Variants in EFL1 observed in about 807,000 individuals in gnomAD.
The protein encoded by EFL1 is elongation factor like GTPase 1.
A neutral mutation model predicts 126.7 loss-of-function variants in EFL1; 76 were observed. That is an observed-to-expected ratio of 0.60 (90% CI 0.50 to 0.73). EFL1 has a LOEUF of 0.73. Among genes scored for constraint, EFL1 ranks in the 30% least tolerant of loss-of-function variants. The pLI, the probability that EFL1 is intolerant of heterozygous loss-of-function variation, is 0.00. For missense variants in EFL1, 1,128 were observed against 1,343.2 expected (o/e 0.84, Z 2.50); for synonymous variants, 410 against 448.4 (o/e 0.91, Z 1.08).
chr15:82,169,433 G>C (rs1487532069), intron 15 of EFL1, among the ~76,000 whole-genome samples: 1 of 152,102 alleles, frequency 6.6e-6, no homozygotes, highest in Non-Finnish European at 1.5e-5. Context: ...AACTGAGGTA[G>C]AGCTGCTAAG....
chr15:82,178,887 A>C (rs953860646), intron 15 of EFL1, among the ~76,000 whole-genome samples: 1 of 152,142 alleles, frequency 6.6e-6, no homozygotes, highest in African/African-American at 2.4e-5. Flanking sequence ...CACACCTATA[A>C]TCCCAGAATT....
chr15:82,157,992 A>G, intron 16 of EFL1, 132 bp from the exon 17 acceptor site: 1 of 1,088,532 alleles, frequency 9.2e-7, no homozygotes, highest in Non-Finnish European at 1.3e-6. Context: ...TTTCTTCCAG[A>G]TAGTGTAGTG....
intron 16 of EFL1, chr15:82,160,168 T>TA (rs2074008224): frequency 6.6e-6 from 1 of 152,240 alleles, no homozygotes; most frequent in African/African-American, 2.4e-5. Context: ...GCTTCTGCCT[T>TA]AGTGTTTTGG....
intron 7 of EFL1, 23 bp from the exon 8 acceptor site, chr15:82,230,994 T>C (rs748826714): frequency 3.1e-6 from 5 of 1,606,652 alleles, no homozygotes; most frequent in Non-Finnish European, 4.2e-6. Context: ...CAAATGTTCA[T>C]GTTATTAATA....
rs539219966 is a variant in EFL1 at position 82,191,424 on chromosome 15, T to C, written c.1750+23293A>G. Among the ~76,000 whole-genome samples, 83 of 152,264 alleles carry C rather than the reference T, an allele frequency of 5.5e-4. 1 individual carries two copies. In the East Asian group the frequency reaches 0.014, roughly 27 times the overall value. ...ACCTAACCATTACTGGCCTTTGAAATATAGAAGCTAAAAGCAGACTGCACG... is the reference window on the plus strand; with the variant it reads ...ACCTAACCATTACTGGCCTTTGAAACATAGAAGCTAAAAGCAGACTGCACG... On this transcript the variant is annotated intron_variant, in intron 15 of 19. Transcript: ENST00000268206.
chr15:82,175,833 G>T (rs192111609), intron 15 of EFL1, among the ~76,000 whole-genome samples: 3 of 152,208 alleles, frequency 2.0e-5, no homozygotes, highest in African/African-American at 7.2e-5. Context: ...ACTGAATTTT[G>T]AAGATTACTT....
chr15:82,221,741 C>A (rs1477071464), intron 12 of EFL1, among the ~76,000 whole-genome samples: 1 of 152,182 alleles, frequency 6.6e-6, no homozygotes, highest in African/African-American at 2.4e-5. Context: ...CACTAGGGGG[C>A]CACACTACCA....
chr15:82,233,071 A>G (rs2074838674), intron 7 of EFL1, among the ~76,000 whole-genome samples: 3 of 152,172 alleles, frequency 2.0e-5, no homozygotes, highest in Admixed American at 1.3e-4. Flanking sequence ...AATTATAGTA[A>G]GACATTTGCC....
chr15:82,204,716 C>T (rs1331067717), intron 15 of EFL1, among the ~76,000 whole-genome samples: 1 of 152,174 alleles, frequency 6.6e-6, no homozygotes, highest in African/African-American at 2.4e-5. Flanking sequence ...TGGCTCATTA[C>T]CGCCCACCTA....
intron 15 of EFL1, among the ~76,000 whole-genome samples, chr15:82,200,611 C>G (rs2074457696): frequency 1.3e-5 from 2 of 152,178 alleles, no homozygotes; most frequent in African/African-American, 4.8e-5. Context: ...TACCTGGGAG[C>G]CTCCCAGAAC....
At chr15:82,223,484 T>C (rs1363967740) in intron 12 of EFL1, among the ~76,000 whole-genome samples, 1 of 152,184 alleles carries the variant, frequency 6.6e-6, no homozygotes, top group East Asian at 1.9e-4. Context: ...TGATGAATTA[T>C]TAGGAAAAAC....
At chr15:82,200,792 C>T (rs898134178) in intron 15 of EFL1, among the ~76,000 whole-genome samples, 5 of 152,320 alleles carry the variant, frequency 3.3e-5, no homozygotes, top group African/African-American at 1.2e-4. Flanking sequence ...AAGTATTTTG[C>T]TTTCACCTAA....
At chr15:82,201,508 C>T (rs2651703) in intron 15 of EFL1, among the ~76,000 whole-genome samples, 2 of 152,192 alleles carry the variant, frequency 1.3e-5, no homozygotes, top group Admixed American at 1.3e-4. Flanking sequence ...CTGCTCTTAA[C>T]ATAATTCTGG....
intron 3 of EFL1, among the ~76,000 whole-genome samples, chr15:82,258,633 C>G (rs2075087000): frequency 6.6e-6 from 1 of 152,238 alleles, no homozygotes; most frequent in African/African-American, 2.4e-5. Flanking sequence ...CTTAGGTTAA[C>G]TTTTAAGGTC....
intron 18 of EFL1, among the ~76,000 whole-genome samples, chr15:82,140,939 A>G (rs2073780213): frequency 6.6e-6 from 1 of 152,214 alleles, no homozygotes; most frequent in Non-Finnish European, 1.5e-5. Context: ...TAACTGTAAC[A>G]GCTGACAATT....
intron 15 of EFL1, among the ~76,000 whole-genome samples, chr15:82,196,602 A>G (rs567269237): frequency 5.0e-4 from 76 of 152,274 alleles, no homozygotes; most frequent in Non-Finnish European, 9.7e-4. Context: ...CAAAATGAAG[A>G]GAAATTTACC....
chr15:82,157,555 A>G (rs978409112), intron 17 of EFL1, 158 bp downstream of exon 17: 17 of 858,482 alleles, frequency 2.0e-5, no homozygotes, highest in Non-Finnish European at 2.8e-5. Flanking sequence ...TTATTAAAAA[A>G]TAAGTCTACA....
At chr15:82,248,855 G>GAA (rs1311603476) in intron 4 of EFL1, among the ~76,000 whole-genome samples, 1 of 140,144 alleles carries the variant, frequency 7.1e-6, no homozygotes, top group Admixed American at 7.1e-5. Flanking sequence ...AACTTTTCTT[G>GAA]AAAAAAAAAA....
intron 4 of EFL1, among the ~76,000 whole-genome samples, chr15:82,246,628 C>A (rs1276926036): frequency 1.3e-5 from 2 of 151,856 alleles, no homozygotes; most frequent in Non-Finnish European, 2.9e-5. Context: ...GGATACAAGC[C>A]AGTACAGAGG....
Sources: allele counts gnomAD v4.1 joint callset (sites outside exome capture counted in the v4.1 genomes callset), GRCh38; gene constraint gnomAD v4.1.1; transcripts MANE v1.5; gene names NCBI Gene and HGNC (gene_info 2026-07-23, HGNC 2026-07-21).